Variants in C10orf90 observed in about 807,000 individuals in gnomAD.
The protein encoded by C10orf90 is chromosome 10 open reading frame 90.
C10orf90 carries 56 observed loss-of-function variants against 62.5 expected under a neutral mutation model. The ratio of observed to expected loss-of-function variants is 0.90; its 90% CI spans 0.72 to 1.12. C10orf90 has a LOEUF of 1.12. C10orf90 is among the 50% of genes most tolerant of loss of function. C10orf90 has a pLI of 0.00. For missense variants in C10orf90, 970 were observed against 880.4 expected (o/e 1.10, Z -1.29); for synonymous variants, 386 against 340.4 (o/e 1.13, Z -1.47).
intron 2 of C10orf90, among the ~76,000 whole-genome samples, chr10:126,604,585 C>T (rs1386654047): frequency 6.6e-6 from 1 of 152,178 alleles, no homozygotes; most frequent in African/African-American, 2.4e-5. Context: ...TCCCCTCTCG[C>T]CAGACCCCCA....
chr10:126,522,049 C>T (rs1457313608), intron 2 of C10orf90, among the ~76,000 whole-genome samples: 2 of 151,954 alleles, frequency 1.3e-5, no homozygotes, highest in East Asian at 3.9e-4. Flanking sequence ...TGGGTGGATC[C>T]CCTAAGGTCA....
At chr10:126,562,269 C>T (rs184938962) in intron 2 of C10orf90, among the ~76,000 whole-genome samples, 1 of 152,104 alleles carries the variant, frequency 6.6e-6, no homozygotes, top group South Asian at 2.1e-4. Flanking sequence ...TGCCTAGCCA[C>T]CCCCTGCCCT....
At chr10:126,577,930 T>C (rs1427652786) in intron 2 of C10orf90, among the ~76,000 whole-genome samples, 1 of 152,132 alleles carries the variant, frequency 6.6e-6, no homozygotes, top group Non-Finnish European at 1.5e-5. Context: ...TAGATATCCA[T>C]ATGAGAGAAA....
At position 126,602,296 on chromosome 10, in the gene C10orf90, A is replaced by G. The variant is rs142612370; in HGVS notation, c.313+44269T>C. Among the ~76,000 whole-genome samples the G allele has an allele frequency of 1.3e-4, 20 of 152,278 alleles. No individual in the cohort carries two copies. In the East Asian group the frequency reaches 3.5e-3, roughly 26 times the overall value. ...TTGACAAATAAGCAGCTATGAGTAA[A>G]ATCATGATAATAGTAATGAAAGCTA... On this transcript the variant is annotated intron_variant, in intron 2 of 9. Transcript: ENST00000488181.
intron 2 of C10orf90, among the ~76,000 whole-genome samples, chr10:126,552,121 A>T (rs1320145364): frequency 2.6e-5 from 4 of 152,186 alleles, no homozygotes; most frequent in Non-Finnish European, 5.9e-5. Context: ...TCTTTTATTG[A>T]TAGAGCTTTA....
chr10:126,657,339 G>A (rs1241965398), intron 1 of C10orf90, among the ~76,000 whole-genome samples: 6 of 152,126 alleles, frequency 3.9e-5, no homozygotes, highest in Admixed American at 2.0e-4. Flanking sequence ...GCCCCTGGGG[G>A]CCTCTATTTT....
At chr10:126,637,777 GGCCTTTTGCACC>G (rs1180744920) in intron 2 of C10orf90, among the ~76,000 whole-genome samples, 5 of 152,168 alleles carry the variant, frequency 3.3e-5, no homozygotes, top group African/African-American at 1.2e-4. Context: ...AGGGCCTCGG[GGCCTTTTGCACC>G]ACAATAAAAA....
chr10:126,549,094 G>A (rs1864570320), intron 2 of C10orf90, among the ~76,000 whole-genome samples: 1 of 152,084 alleles, frequency 6.6e-6, no homozygotes, highest in Non-Finnish European at 1.5e-5. Flanking sequence ...TGGAATCTAA[G>A]GCTAGGCAAA....
intron 2 of C10orf90, among the ~76,000 whole-genome samples, chr10:126,599,610 C>T (rs982314513): frequency 6.6e-6 from 1 of 151,908 alleles, no homozygotes; most frequent in African/African-American, 2.4e-5. Flanking sequence ...GATCGCCACC[C>T]TCTGGCTGCC....
intron 4 of C10orf90, among the ~76,000 whole-genome samples, chr10:126,502,137 A>G (rs888784110): frequency 6.6e-6 from 1 of 151,762 alleles, no homozygotes; most frequent in African/African-American, 2.4e-5. Context: ...CACAACACAC[A>G]CACACACTAG....
chr10:126,445,861 A>T (rs1858743848), intron 7 of C10orf90, among the ~76,000 whole-genome samples: 11 of 150,690 alleles, frequency 7.3e-5, no homozygotes, highest in Admixed American at 6.6e-4. Context: ...AAAAGGAATG[A>T]ATTAACAGCA....
chr10:126,498,737 A>G (rs1414197440), intron 4 of C10orf90, among the ~76,000 whole-genome samples: 1 of 152,184 alleles, frequency 6.6e-6, no homozygotes, highest in African/African-American at 2.4e-5. Flanking sequence ...CCAAGTTCAC[A>G]TATCTTCCTG....
chr10:126,487,537 T>G (rs1861504999), intron 4 of C10orf90, among the ~76,000 whole-genome samples: 1 of 152,142 alleles, frequency 6.6e-6, no homozygotes, highest in Non-Finnish European at 1.5e-5. Flanking sequence ...CCTTAGTATG[T>G]TAGTCTATGT....
In C10orf90 at chr10:126,576,722, A is replaced by ATG. The variant is rs1564879166; in HGVS notation, c.314-62784_314-62783insCA. On this transcript the variant is annotated intron_variant, in intron 2 of 9. Coordinates refer to ENST00000488181, the MANE Select transcript of C10orf90 (RefSeq NM_001350921.2). The stretch of plus-strand genomic sequence containing the variant: ...ATGTATATGTATATATATACAAGAT[A>ATG]TACATATATATGTATATGTATATAT... 5.8e-5 allele frequency among the ~76,000 whole-genome samples: 2 copies of ATG among 34,568 alleles called. 1 individual carries two copies. Among genetic ancestry groups the ATG allele is most frequent in the African/African-American group, 3.0e-4 (2 of 6,560 alleles). The allele number at this position is 34,568 out of a possible 152,430, so 22.7% of individuals were successfully genotyped here.
At chr10:126,429,671 C>A in intron 8 of C10orf90, 116 bp downstream of exon 8, 1 of 789,728 alleles carries the variant, frequency 1.3e-6, no homozygotes, top group South Asian at 1.7e-5. Flanking sequence ...GCCAAAAAGA[C>A]CTCAGACCTT....
At chr10:126,561,354 C>T (rs559311238) in intron 2 of C10orf90, among the ~76,000 whole-genome samples, 2 of 152,238 alleles carry the variant, frequency 1.3e-5, no homozygotes, top group Non-Finnish European at 2.9e-5. Flanking sequence ...TTCAAGCACA[C>T]GTGAGGCTTG....
intron 4 of C10orf90, among the ~76,000 whole-genome samples, chr10:126,497,053 GAA>G (rs1299062147): frequency 6.6e-6 from 1 of 152,246 alleles, no homozygotes; most frequent in Admixed American, 6.5e-5. Flanking sequence ...CAGAACCAGA[GAA>G]GAGCCCAGTG....
At chr10:126,658,196 C>G (rs893221719) in intron 1 of C10orf90, among the ~76,000 whole-genome samples, 3 of 152,194 alleles carry the variant, frequency 2.0e-5, no homozygotes, top group Admixed American at 6.5e-5. Flanking sequence ...CAAAGGCAGA[C>G]AGAAGGCAGT....
intron 2 of C10orf90, among the ~76,000 whole-genome samples, chr10:126,534,680 A>C (rs1242521889): frequency 6.6e-6 from 1 of 151,928 alleles, no homozygotes; most frequent in African/African-American, 2.4e-5. Context: ...GGCCACCTTC[A>C]TTTTTCTACT....
Sources: allele counts gnomAD v4.1 joint callset (sites outside exome capture counted in the v4.1 genomes callset), GRCh38; gene constraint gnomAD v4.1.1; transcripts MANE v1.5; gene names NCBI Gene and HGNC (gene_info 2026-07-23, HGNC 2026-07-21).